The following ODAD4 variants were observed in gnomAD, a reference collection of about 807,000 sequenced individuals.
The protein encoded by ODAD4 is outer dynein arm-docking complex subunit 4.
In ODAD4, 49 loss-of-function variants were observed where a neutral mutation model predicts 51.8. The ratio of observed to expected loss-of-function variants is 0.95; its 90% CI spans 0.75 to 1.20. ODAD4 has a LOEUF of 1.20. Ranked by LOEUF, ODAD4 falls within the 50% of genes most tolerant of loss-of-function variation. The pLI is 0.00. For missense variants in ODAD4, 590 were observed against 586.5 expected, an observed-to-expected ratio of 1.01 and a Z score of -0.06; for synonymous variants, 235 against 221.3, an observed-to-expected ratio of 1.06 and a Z score of -0.55.
At chr17:41,935,108 TCAGAGCCTGAAGAAATCCCCTCTG>T in intron 1 of ODAD4, 85 bp from the exon 2 acceptor site, 1 of 1,333,332 alleles carries the variant, frequency 7.5e-7, no homozygotes, top group Non-Finnish European at 1.0e-6. Context: ...CTTGATTTCT[TCAGAGCCTGAAGAAATCCCCTCTG>T]CAGGAGGGTT....
At chr17:41,944,184 T>G (rs1598078605) in intron 7 of ODAD4, among the ~76,000 whole-genome samples, 2 of 124,778 alleles carry the variant, frequency 1.6e-5, no homozygotes. Flanking sequence ...GCCACAAGAG[T>G]GAAACTCCGT....
chr17:41,941,755 A>G, intron 7 of ODAD4, among the ~76,000 whole-genome samples: 1 of 129,698 alleles, frequency 7.7e-6, no homozygotes. Flanking sequence ...CGACAGAGCG[A>G]GACTCCGTCT....
chr17:41,964,415 G>A (rs1377365509), intron 11 of ODAD4, among the ~76,000 whole-genome samples: 3 of 151,994 alleles, frequency 2.0e-5, no homozygotes, highest in African/African-American at 4.8e-5. Flanking sequence ...TCAAATCAAC[G>A]GCAGTGCGCA....
At position 41,936,810 on chromosome 17, in the gene ODAD4, C is replaced by T; in HGVS notation, c.508C>T (p.Pro170Ser). The T allele has an allele frequency of 6.2e-7, 1 of 1,613,962 alleles. No individual in the cohort carries two copies. The highest frequency in any genetic ancestry group is 8.5e-7 in the Non-Finnish European group (1 of 1,179,880). ...TCAGCCCATGAAACACCTCTTACAC[C>T]CCACCAAGGGAGAGCCCAAGTGGAA... ...KPQPMKHLLH[P>S]TKGEPKWKAS... The change falls in exon 5 of 12, where the codon CCC becomes TCC. Residue 170 changes from proline to serine, a missense_variant. Physicochemically the swap from Pro to Ser is moderately conservative, Grantham distance 74 (BLOSUM62 -1). This residue lies in a region of ODAD4 where 360 missense variants were observed against 407.5 expected (regional missense o/e 0.88). Coordinates refer to ENST00000377540, the MANE Select transcript of ODAD4 (RefSeq NM_031421.5).
At chr17:41,931,347 T>A (rs1308485057) in intron 1 of ODAD4, among the ~76,000 whole-genome samples, 1 of 152,132 alleles carries the variant, frequency 6.6e-6, no homozygotes, top group East Asian at 1.9e-4. Flanking sequence ...CCACTTGCAA[T>A]CTCCATTCTC....
chr17:41,955,488 C>T (rs1287235110), intron 10 of ODAD4, among the ~76,000 whole-genome samples, 171 bp downstream of exon 10: 3 of 151,998 alleles, frequency 2.0e-5, no homozygotes, highest in Non-Finnish European at 4.4e-5. Flanking sequence ...AGTGCAATGG[C>T]GTGATCTCGG....
chr17:41,937,616 G>A (rs1458935774), intron 5 of ODAD4, among the ~76,000 whole-genome samples: 3 of 152,154 alleles, frequency 2.0e-5, no homozygotes, highest in Admixed American at 6.5e-5. Flanking sequence ...GACTATAGGC[G>A]CCCACAACCA....
chr17:41,946,304 C>G (rs1039563463), intron 8 of ODAD4, among the ~76,000 whole-genome samples: 5 of 152,080 alleles, frequency 3.3e-5, no homozygotes, highest in African/African-American at 1.2e-4. Context: ...ATGACACTGG[C>G]TGCCAATTTA....
chr17:41,935,132 GC>G, intron 1 of ODAD4, 84 bp from the exon 2 acceptor site: 1 of 1,522,572 alleles, frequency 6.6e-7, no homozygotes, highest in Non-Finnish European at 9.0e-7. Context: ...AATCCCCTCT[GC>G]AGGAGGGTTT....
At chr17:41,934,594 C>T (rs868971042) in intron 1 of ODAD4, among the ~76,000 whole-genome samples, 38 of 152,080 alleles carry the variant, frequency 2.5e-4, no homozygotes, top group African/African-American at 7.5e-4. Flanking sequence ...TCAAGCGTTC[C>T]GCCCACCTCG....
At chr17:41,950,402 A>G (rs1487984903) in intron 9 of ODAD4, among the ~76,000 whole-genome samples, 6 of 136,688 alleles carry the variant, frequency 4.4e-5, no homozygotes, top group African/African-American at 1.6e-4. Flanking sequence ...TTTTTTTTTG[A>G]GATGGAGACT....
rs182486971 is a variant in ODAD4, at chr17:41,959,001, G to A, written c.1444-2381G>A. On this transcript the variant is annotated intron_variant, in intron 10 of 11. Transcript: ENST00000377540. ...TGCACTCCAGCCTGGGCGACAGAGCGAGACTCCGTCTCAAAAAAAAAAAAA... is the reference window on the plus strand; with the variant it reads ...TGCACTCCAGCCTGGGCGACAGAGCAAGACTCCGTCTCAAAAAAAAAAAAA... Among the ~76,000 whole-genome samples the A allele has an allele frequency of 9.4e-3, 1,408 of 150,300 alleles. 10 individuals carry two copies. The highest frequency in any genetic ancestry group is 0.028 in the South Asian group (132 of 4,768).
intron 7 of ODAD4, among the ~76,000 whole-genome samples, chr17:41,939,473 A>T (rs1472375991): frequency 2.0e-5 from 3 of 152,262 alleles, no homozygotes; most frequent in Non-Finnish European, 2.9e-5. Context: ...GAAGCCCCAG[A>T]CATGCCAGAT....
intron 8 of ODAD4, among the ~76,000 whole-genome samples, chr17:41,945,982 T>C (rs1345260467): frequency 6.6e-6 from 1 of 152,154 alleles, no homozygotes; most frequent in Non-Finnish European, 1.5e-5. Context: ...ACAAATGCAG[T>C]GTTGGTGTTT....
At chr17:41,944,421 CACACACACACACACA>C (rs1567932921) in intron 7 of ODAD4, among the ~76,000 whole-genome samples, 2 of 14,266 alleles carry the variant, frequency 1.4e-4, no homozygotes, top group African/African-American at 2.5e-4. Context: ...CACACACACA[CACACACACACACACA>C]CACACACACC....
chr17:41,946,748 C>T (rs1555639628), intron 8 of ODAD4, among the ~76,000 whole-genome samples: 1 of 152,238 alleles, frequency 6.6e-6, no homozygotes, highest in African/African-American at 2.4e-5. Context: ...GTGATCTCAG[C>T]TCATGGCAAC....
intron 5 of ODAD4, among the ~76,000 whole-genome samples, chr17:41,937,968 C>A (rs372973537): frequency 7.9e-5 from 12 of 152,360 alleles, no homozygotes; most frequent in African/African-American, 2.9e-4. Context: ...TGTTCTGTGA[C>A]ACAGGAACAG....
At position 41,965,288 on chromosome 17, in the gene ODAD4, A is replaced by G; in HGVS notation, c.1824A>G (p.Ser608=). Residue 608 remains serine, a synonymous_variant, in exon 12 of 12, where the codon TCA becomes TCG. Transcript: ENST00000377540. ...RKLLEAGRRE[S]REIYRRPSGE... The stretch of plus-strand genomic sequence containing the variant: ...TACTAGAAGCTGGCAGAAGAGAGTC[A>G]AGAGAAATTTATAGGAGGCCTTCGG... 2.6e-6 allele frequency: 2 copies of G among 779,996 alleles called. No individual in the cohort carries two copies. Among genetic ancestry groups the G allele is most frequent in the Non-Finnish European group, 2.4e-6 (1 of 417,684 alleles). 48.3% of individuals were successfully genotyped at this position (779,996 alleles called of 1,614,324 possible).
chr17:41,938,933 C>G, intron 6 of ODAD4, 32 bp from the exon 7 acceptor site: 1 of 1,596,076 alleles, frequency 6.3e-7, no homozygotes, highest in Non-Finnish European at 8.6e-7. Flanking sequence ...GGAGGCTGCC[C>G]TGGCCTCCAC....
Sources: gnomAD v4.1 joint callset for allele counts (sites outside exome capture counted in the v4.1 genomes callset) on GRCh38, gnomAD v4.1.1 for gene constraint, gnomAD v4.1.1 regional missense constraint, MANE v1.5 for transcripts, NCBI Gene and HGNC (gene_info 2026-07-23, HGNC 2026-07-21) for gene names.